The following CAMK1D variants were observed in gnomAD, a reference collection of about 807,000 sequenced individuals.
CAMK1D encodes calcium/calmodulin-dependent protein kinase type 1D.
Under a neutral mutation model 47.7 loss-of-function variants are expected in CAMK1D, and 9 were observed. That is an observed-to-expected ratio of 0.19 (90% CI 0.11 to 0.33). The LOEUF (loss-of-function observed/expected upper bound fraction) is 0.33, where lower values mean the gene tolerates loss of function less well. Among genes scored for constraint, CAMK1D ranks in the 10% least tolerant of loss-of-function variants. The pLI is 1.00. For missense variants in CAMK1D, 291 were observed against 488.7 expected (o/e 0.60, Z 3.81); for synonymous variants, 184 against 184.9 (o/e 0.99, Z 0.04).
chr10:12,396,532 C>T (rs1318255947), intron 1 of CAMK1D, among the ~76,000 whole-genome samples: 1 of 152,212 alleles, frequency 6.6e-6, no homozygotes, highest in African/African-American at 2.4e-5. Flanking sequence ...CTGGAGAACA[C>T]TTCTTCCAGG....
At chr10:12,481,455 G>C (rs570321599) in intron 1 of CAMK1D, among the ~76,000 whole-genome samples, 1 of 152,186 alleles carries the variant, frequency 6.6e-6, no homozygotes, top group South Asian at 2.1e-4. Flanking sequence ...CTCTGAGGTT[G>C]ATTTGAGTAA....
chr10:12,595,702 C>G (rs1838129364), intron 2 of CAMK1D, among the ~76,000 whole-genome samples: 1 of 152,124 alleles, frequency 6.6e-6, no homozygotes, highest in African/African-American at 2.4e-5. Flanking sequence ...ACTTTCTGGT[C>G]CCACCCAGAG....
intron 5 of CAMK1D, among the ~76,000 whole-genome samples, chr10:12,777,740 G>T (rs1235069085): frequency 1.3e-5 from 2 of 152,166 alleles, no homozygotes; most frequent in Admixed American, 6.6e-5. Context: ...AAGGTGAAAC[G>T]GGTCTTGGTA....
chr10:12,470,933 C>T (rs1588522574), intron 1 of CAMK1D, among the ~76,000 whole-genome samples: 1 of 152,116 alleles, frequency 6.6e-6, no homozygotes, highest in East Asian at 1.9e-4. Context: ...TGCGTGCGTG[C>T]GTGTGTGCGT....
chr10:12,816,399 T>C, intron 8 of CAMK1D, 71 bp downstream of exon 8: 1 of 1,224,462 alleles, frequency 8.2e-7, no homozygotes, highest in Non-Finnish European at 1.2e-6. Flanking sequence ...AACTTCCTGT[T>C]GGCCGTTGTC....
chr10:12,756,417 G>A (rs534804045), intron 3 of CAMK1D, among the ~76,000 whole-genome samples: 3 of 152,314 alleles, frequency 2.0e-5, no homozygotes, highest in East Asian at 1.9e-4. Flanking sequence ...CCACTGTGTC[G>A]TCAGAGCTGA....
chr10:12,356,828 C>A (rs909906343), intron 1 of CAMK1D, among the ~76,000 whole-genome samples: 1 of 151,770 alleles, frequency 6.6e-6, no homozygotes, highest in Non-Finnish European at 1.5e-5. Context: ...AGAGCTTGTT[C>A]CCAGAGAAGC....
chr10:12,462,944 C>T (rs1394261911), intron 1 of CAMK1D, among the ~76,000 whole-genome samples: 1 of 152,138 alleles, frequency 6.6e-6, no homozygotes, highest in African/African-American at 2.4e-5. Flanking sequence ...AGGGCAGAGC[C>T]TAGCAGCATA....
At chr10:12,371,933 T>C (rs1372315550) in intron 1 of CAMK1D, among the ~76,000 whole-genome samples, 3 of 152,040 alleles carry the variant, frequency 2.0e-5, no homozygotes, top group Non-Finnish European at 4.4e-5. Context: ...TCCCAAAGTG[T>C]TGGGATTACA....
intron 2 of CAMK1D, among the ~76,000 whole-genome samples, chr10:12,631,364 G>A (rs1227658104): frequency 6.6e-6 from 1 of 152,194 alleles, no homozygotes; most frequent in Non-Finnish European, 1.5e-5. Context: ...AACTAGACAA[G>A]CTCCGCCCAT....
chr10:12,567,366 G>C (rs757278554), intron 2 of CAMK1D, among the ~76,000 whole-genome samples: 2 of 152,188 alleles, frequency 1.3e-5, no homozygotes, highest in Non-Finnish European at 2.9e-5. Context: ...ATGGACAACA[G>C]AGCGAGTCTG....
At chr10:12,504,430 G>A (rs1173322042) in intron 1 of CAMK1D, among the ~76,000 whole-genome samples, 1 of 152,146 alleles carries the variant, frequency 6.6e-6, no homozygotes, top group Non-Finnish European at 1.5e-5. Context: ...GGGTAGCCCC[G>A]CTGAAGAAGA....
At chr10:12,506,414 T>C (rs1485627532) in intron 1 of CAMK1D, among the ~76,000 whole-genome samples, 1 of 152,148 alleles carries the variant, frequency 6.6e-6, no homozygotes, top group Non-Finnish European at 1.5e-5. Context: ...AGTGAGACTC[T>C]GTCTCAAAAA....
intron 1 of CAMK1D, among the ~76,000 whole-genome samples, chr10:12,490,716 A>G (rs373424425): frequency 2.6e-5 from 4 of 152,104 alleles, no homozygotes; most frequent in Non-Finnish European, 5.9e-5. Flanking sequence ...GTGGTGGCAC[A>G]TGCCTGTAAT....
At chr10:12,451,718 TATACCAATCCTTTGTTGC>T (rs1341970556) in intron 1 of CAMK1D, among the ~76,000 whole-genome samples, 5 of 152,340 alleles carry the variant, frequency 3.3e-5, no homozygotes, top group Admixed American at 2.6e-4. Context: ...AGTAAATGAA[TATACCAATCCTTTGTTGC>T]ATTGGGAGGC....
chr10:12,724,690 C>A (rs1263023653), intron 3 of CAMK1D, among the ~76,000 whole-genome samples: 1 of 152,200 alleles, frequency 6.6e-6, no homozygotes, highest in Non-Finnish European at 1.5e-5. Flanking sequence ...CAACCGCTGT[C>A]TGAGCTTCAT....
chr10:12,689,822 T>G (rs1228074662), intron 3 of CAMK1D, among the ~76,000 whole-genome samples: 1 of 152,100 alleles, frequency 6.6e-6, no homozygotes, highest in Non-Finnish European at 1.5e-5. Context: ...TATTTATAAT[T>G]TAAAATGTCT....
intron 1 of CAMK1D, among the ~76,000 whole-genome samples, chr10:12,502,408 C>T (rs1422931993): frequency 2.0e-5 from 3 of 152,066 alleles, no homozygotes; most frequent in African/African-American, 2.4e-5. Context: ...AGGTGTAGGG[C>T]GATGAGGCGT....
At chr10:12,442,544 C>T (rs1832813188) in intron 1 of CAMK1D, among the ~76,000 whole-genome samples, 2 of 152,154 alleles carry the variant, frequency 1.3e-5, no homozygotes, top group Admixed American at 6.6e-5. Flanking sequence ...GAATTTTATT[C>T]TGTGAATGTT....
Sources: gnomAD v4.1 joint callset for allele counts (sites outside exome capture counted in the v4.1 genomes callset) on GRCh38, gnomAD v4.1.1 for gene constraint, MANE v1.5 for transcripts, NCBI Gene and HGNC (gene_info 2026-07-23, HGNC 2026-07-21) for gene names.